Variants in LINGO2 observed in about 807,000 individuals in gnomAD.
LINGO2 encodes the protein leucine rich repeat and Ig domain containing 2, also known as leucine-rich repeat and immunoglobulin-like domain-containing nogo receptor-interacting protein 2.
A neutral mutation model predicts 30.6 loss-of-function variants in LINGO2; 14 were observed. The observed-to-expected ratio is 0.46, with a 90% CI of 0.30 to 0.72. LINGO2 has a LOEUF of 0.72. Among genes scored for constraint, LINGO2 ranks in the 30% least tolerant of loss-of-function variants. The pLI is 0.07. For synonymous variants in LINGO2, 317 were observed against 288.5 expected (o/e 1.10, Z -1.00); for missense variants, 729 against 751.7 (o/e 0.97, Z 0.35).
intron 4 of LINGO2, among the ~76,000 whole-genome samples, chr9:28,237,524 A>C (rs1821618268): frequency 6.6e-6 from 1 of 152,160 alleles, no homozygotes; most frequent in Non-Finnish European, 1.5e-5. Context: ...TGGATTAAAA[A>C]AAACAAGGCC....
At chr9:27,941,865 G>A in the LINGO2 span, 3 of 151,536 alleles carry the variant, frequency 2.0e-5, no homozygotes, top group Non-Finnish European at 1.5e-5. Context: ...TTTTTTTGTG[G>A]CTTCCTACTT....
the LINGO2 span, among the ~76,000 whole-genome samples, chr9:29,073,035 G>T: frequency 6.7e-6 from 1 of 149,972 alleles, no homozygotes; most frequent in Non-Finnish European, 1.5e-5. Context: ...AGCTTGGCTA[G>T]AACCCCCCTC....
chr9:28,901,131 T>C, the LINGO2 span, among the ~76,000 whole-genome samples: 20 of 152,236 alleles, frequency 1.3e-4, no homozygotes, highest in East Asian at 1.5e-3. Context: ...TTTCTTACTA[T>C]AAACCTTATA....
the LINGO2 span, among the ~76,000 whole-genome samples, chr9:28,997,543 G>T: frequency 6.6e-6 from 1 of 152,118 alleles, no homozygotes; most frequent in Non-Finnish European, 1.5e-5. Flanking sequence ...AAAATAGTTG[G>T]CCGGGTGCAG....
At chr9:28,960,944 T>C in the LINGO2 span, among the ~76,000 whole-genome samples, 1 of 152,126 alleles carries the variant, frequency 6.6e-6, no homozygotes, top group African/African-American at 2.4e-5. Context: ...TACATATGAA[T>C]CACTACTAAT....
At chr9:28,086,239 T>C (rs779979634) in intron 4 of LINGO2, among the ~76,000 whole-genome samples, 2 of 151,930 alleles carry the variant, frequency 1.3e-5, no homozygotes, top group Non-Finnish European at 2.9e-5. Flanking sequence ...GCTGACAAAA[T>C]TAAAACATAT....
At chr9:27,949,242 T>C (rs1823500244) in exon 6 of LINGO2, 1 of 1,613,992 alleles carries the variant, frequency 6.2e-7, no homozygotes, top group African/African-American at 1.3e-5. Flanking sequence ...CATCCCGCTG[T>C]CTTGATCCTG....
the LINGO2 span, among the ~76,000 whole-genome samples, chr9:29,121,299 A>G: frequency 6.6e-6 from 1 of 152,176 alleles, no homozygotes; most frequent in Non-Finnish European, 1.5e-5. Flanking sequence ...TCAAAATTAT[A>G]TAACATTTAT....
chr9:28,834,539 A>G, the LINGO2 span, among the ~76,000 whole-genome samples: 1 of 152,200 alleles, frequency 6.6e-6, no homozygotes, highest in Non-Finnish European at 1.5e-5. Flanking sequence ...CATTTTGAAG[A>G]GTAAGGTATC....
chr9:29,193,984 G>A, the LINGO2 span, among the ~76,000 whole-genome samples: 1 of 152,176 alleles, frequency 6.6e-6, no homozygotes, highest in Non-Finnish European at 1.5e-5. Flanking sequence ...GCCAAGTCAG[G>A]TAACAGCAGT....
At chr9:28,711,882 G>A in the LINGO2 span, among the ~76,000 whole-genome samples, 13 of 152,104 alleles carry the variant, frequency 8.5e-5, no homozygotes, top group South Asian at 2.1e-4. Flanking sequence ...TACTATATCC[G>A]TATAGGAATA....
chr9:28,940,226 C>T, the LINGO2 span, among the ~76,000 whole-genome samples: 1 of 152,116 alleles, frequency 6.6e-6, no homozygotes, highest in Admixed American at 6.6e-5. Flanking sequence ...CTCCCTGTCT[C>T]TGTTGCTCTG....
intron 5 of LINGO2, among the ~76,000 whole-genome samples, chr9:27,968,331 G>A (rs1418743549): frequency 6.6e-6 from 1 of 151,950 alleles, no homozygotes; most frequent in African/African-American, 2.4e-5. Flanking sequence ...AAAGACAATT[G>A]TATTATTCAT....
chr9:28,990,000 G>A, the LINGO2 span, among the ~76,000 whole-genome samples: 1 of 152,180 alleles, frequency 6.6e-6, no homozygotes, highest in Non-Finnish European at 1.5e-5. Context: ...TTCCATCTGA[G>A]GAAACGGGTT....
the LINGO2 span, among the ~76,000 whole-genome samples, chr9:28,788,681 A>G: frequency 6.6e-6 from 1 of 152,168 alleles, no homozygotes; most frequent in Non-Finnish European, 1.5e-5. Flanking sequence ...GGTGGCAGAA[A>G]GGAGAAGTGC....
intron 4 of LINGO2, among the ~76,000 whole-genome samples, chr9:28,250,251 G>T (rs1477685499): frequency 1.3e-5 from 2 of 152,166 alleles, no homozygotes; most frequent in South Asian, 4.1e-4. Context: ...TCTGCTTCCA[G>T]GAAGATAAAG....
chr9:29,002,692 C>T, the LINGO2 span, among the ~76,000 whole-genome samples: 33 of 152,130 alleles, frequency 2.2e-4, no homozygotes, highest in South Asian at 6.6e-3. Context: ...TATATATACC[C>T]TGCGACACCT....
At chr9:28,033,008 A>G (rs893151721) in intron 4 of LINGO2, among the ~76,000 whole-genome samples, 4 of 152,194 alleles carry the variant, frequency 2.6e-5, no homozygotes, top group African/African-American at 9.7e-5. Context: ...TGCGGCTCTC[A>G]AATCAGATGA....
intron 3 of LINGO2, among the ~76,000 whole-genome samples, chr9:28,311,693 T>A (rs1314658136): frequency 6.6e-6 from 1 of 152,210 alleles, no homozygotes; most frequent in East Asian, 1.9e-4. Flanking sequence ...GCTGTTATCC[T>A]GTTCCTTTTT....
Sources: allele counts gnomAD v4.1 joint callset (sites outside exome capture counted in the v4.1 genomes callset), GRCh38; gene constraint gnomAD v4.1.1; transcripts MANE v1.5; gene names NCBI Gene and HGNC (gene_info 2026-07-23, HGNC 2026-07-21).